ALK: variants seen among roughly 807,000 people sequenced by gnomAD.
ALK encodes ALK tyrosine kinase receptor.
In ALK, 74 loss-of-function variants were observed where a neutral mutation model predicts 163.1. That is an observed-to-expected ratio of 0.45 (90% CI 0.38 to 0.55). ALK has a LOEUF of 0.55. Among genes scored for constraint, ALK ranks in the 20% least tolerant of loss-of-function variants. ALK has a pLI of 0.00. For synonymous variants in ALK, 960 were observed against 843.2 expected (o/e 1.14, Z -2.40); for missense variants, 2,063 against 2,105.3 (o/e 0.98, Z 0.39).
At chr2:29,814,565 C>G (rs1274602672) in intron 1 of ALK, among the ~76,000 whole-genome samples, 1 of 151,806 alleles carries the variant, frequency 6.6e-6, no homozygotes, top group East Asian at 1.9e-4. Context: ...GAGGCTGAGA[C>G]AGGAGAATGT....
At chr2:29,841,095 G>C (rs755836200) in intron 1 of ALK, among the ~76,000 whole-genome samples, 1 of 152,072 alleles carries the variant, frequency 6.6e-6, no homozygotes, top group Non-Finnish European at 1.5e-5. Flanking sequence ...TATTCGGCCA[G>C]ATTTTTCTGA....
At chr2:29,486,574 A>T (rs1671781431) in intron 4 of ALK, among the ~76,000 whole-genome samples, 1 of 152,204 alleles carries the variant, frequency 6.6e-6, no homozygotes, top group Non-Finnish European at 1.5e-5. Flanking sequence ...TTAACTGCAA[A>T]AGTCAGAGCT....
intron 11 of ALK, among the ~76,000 whole-genome samples, chr2:29,265,207 A>T (rs1036387266): frequency 6.6e-6 from 1 of 152,128 alleles, no homozygotes; most frequent in Non-Finnish European, 1.5e-5. Context: ...CTGTAGAGAC[A>T]GGGTTTCACC....
chr2:29,459,120 A>G (rs748444987), intron 4 of ALK, among the ~76,000 whole-genome samples: 29 of 152,292 alleles, frequency 1.9e-4, no homozygotes, highest in South Asian at 8.3e-4. Flanking sequence ...TTAAAAACAA[A>G]CAGCTTCTTG....
chr2:29,288,951 C>CAAAAAAAAAAAA lies in ALK; in HGVS notation c.1817+7936_1817+7937insTTTTTTTTTTTT, dbSNP rs770578645. Among the ~76,000 whole-genome samples, 121 of 24,158 alleles carry CAAAAAAAAAAAA rather than the reference C, an allele frequency of 5.0e-3. 1 individual carries two copies. Among genetic ancestry groups the CAAAAAAAAAAAA allele is most frequent in the Non-Finnish European group, 0.025 (92 of 3,688 alleles). The allele number at this position is 24,158 out of a possible 152,430, so 15.8% of individuals were successfully genotyped here. A position where few individuals can be genotyped will look rare whatever the true frequency, so the allele number is the denominator to read the frequency against. On this transcript the variant is annotated intron_variant, in intron 9 of 28. Transcript: ENST00000389048. ...TGGGCGACAGAGGGAGACTCCTTCT[C>CAAAAAAAAAAAA]AAAAAAATAAATAAATAAATAAATA... is the stretch of plus-strand genomic sequence containing the variant.
chr2:29,842,960 G>C (rs1665739809), intron 1 of ALK, among the ~76,000 whole-genome samples: 1 of 152,198 alleles, frequency 6.6e-6, no homozygotes, highest in African/African-American at 2.4e-5. Flanking sequence ...TAGCATAAAG[G>C]ACAGAGGAAA....
chr2:29,345,459 A>T (rs879917058), intron 5 of ALK, among the ~76,000 whole-genome samples: 22 of 150,472 alleles, frequency 1.5e-4, no homozygotes, highest in African/African-American at 2.4e-4. Context: ...AATAAATAAA[A>T]ATAATACTCA....
At chr2:29,723,574 G>A (rs1421445048) in intron 1 of ALK, among the ~76,000 whole-genome samples, 7 of 152,164 alleles carry the variant, frequency 4.6e-5, no homozygotes, top group African/African-American at 9.7e-5. Context: ...TGAAATCAGC[G>A]CCCTGGAGGA....
chr2:29,698,738 C>T (rs549479833), intron 2 of ALK, among the ~76,000 whole-genome samples: 2 of 152,326 alleles, frequency 1.3e-5, no homozygotes, highest in South Asian at 2.1e-4. Flanking sequence ...CAGATCCTGC[C>T]TAGTAAAACA....
At chr2:29,356,699 G>A (rs868190436) in intron 5 of ALK, among the ~76,000 whole-genome samples, 2 of 152,280 alleles carry the variant, frequency 1.3e-5, no homozygotes. Flanking sequence ...ACCCACTGGG[G>A]TGGTGGAATC....
rs114481111 is a variant in ALK, at chr2:29,647,385, G to C, written c.952+47465C>G. ...TACTGTCCTGGGCCAGGCCCACATA[G>C]TCTCCTGTTAGGTCACTTGCATCAG... On this transcript the variant is annotated intron_variant, in intron 3 of 28. Coordinates refer to ENST00000389048, the MANE Select transcript of ALK (RefSeq NM_004304.5). Among the ~76,000 whole-genome samples, 548 of 152,206 alleles carry C rather than the reference G, an allele frequency of 3.6e-3. 3 individuals carry two copies. The highest frequency in any genetic ancestry group is 0.012 in the African/African-American group (518 of 41,536).
At chr2:29,331,198 C>T (rs74908217) in intron 5 of ALK, among the ~76,000 whole-genome samples, 1,714 of 152,296 alleles carry the variant, frequency 0.011, 45 homozygotes, top group African/African-American at 0.039. Flanking sequence ...AAAAACACCA[C>T]TCCATTCGTT....
At chr2:29,375,927 C>A (rs912971400) in intron 5 of ALK, among the ~76,000 whole-genome samples, 4 of 152,170 alleles carry the variant, frequency 2.6e-5, no homozygotes, top group African/African-American at 9.7e-5. Flanking sequence ...CAAAAACCAC[C>A]TAAATCCAAA....
intron 9 of ALK, among the ~76,000 whole-genome samples, chr2:29,291,831 C>G (rs1033698556): frequency 6.6e-6 from 1 of 152,158 alleles, no homozygotes; most frequent in African/African-American, 2.4e-5. Flanking sequence ...CAGATAAGAA[C>G]AAGTAATAAA....
chr2:29,527,289 C>A (rs1397308331), intron 4 of ALK, among the ~76,000 whole-genome samples: 2 of 152,168 alleles, frequency 1.3e-5, no homozygotes, highest in East Asian at 3.9e-4. Flanking sequence ...AAGCTGGGAT[C>A]TTTGGTCAGA....
intron 23 of ALK, among the ~76,000 whole-genome samples, chr2:29,216,408 C>G (rs1459161418): frequency 2.0e-5 from 3 of 152,086 alleles, no homozygotes; most frequent in Non-Finnish European, 2.9e-5. Context: ...ATCCATCACT[C>G]AGGATGCGAG....
rs534922720 is a variant in ALK at position 29,513,087 on chromosome 2, T to C, written c.1154+18828A>G. 6.1e-3 allele frequency among the ~76,000 whole-genome samples: 925 copies of C among 151,652 alleles called. 13 individuals are homozygous for C. The highest frequency in any genetic ancestry group is 0.021 in the African/African-American group (878 of 41,082). On this transcript the variant is annotated intron_variant, in intron 4 of 28. Coordinates refer to ENST00000389048, the MANE Select transcript of ALK (RefSeq NM_004304.5). The stretch of plus-strand genomic sequence containing the variant: ...TGGCCATACTGCCCAAGGTAATTTA[T>C]AGATTCAATGCCGTCCCCATCAAGC...
intron 3 of ALK, among the ~76,000 whole-genome samples, chr2:29,581,752 A>G (rs978838281): frequency 6.6e-6 from 1 of 152,152 alleles, no homozygotes; most frequent in Non-Finnish European, 1.5e-5. Flanking sequence ...CCAAAACAGG[A>G]AGGAGTTCCT....
intron 4 of ALK, among the ~76,000 whole-genome samples, chr2:29,396,835 G>GTT (rs1669318044): frequency 2.8e-5 from 1 of 35,726 alleles, no homozygotes; most frequent in Non-Finnish European, 5.5e-5. Context: ...TTGTTACTAT[G>GTT]GTTTTTTTTT....
Sources: gnomAD v4.1 joint callset for allele counts (sites outside exome capture counted in the v4.1 genomes callset) on GRCh38, gnomAD v4.1.1 for gene constraint, MANE v1.5 for transcripts, NCBI Gene and HGNC (gene_info 2026-07-23, HGNC 2026-07-21) for gene names.